The following CAMK1D variants were observed in gnomAD, a reference collection of about 807,000 sequenced individuals.
CAMK1D encodes the protein calcium/calmodulin-dependent protein kinase type 1D.
A neutral mutation model predicts 47.7 loss-of-function variants in CAMK1D; 9 were observed. That is an observed-to-expected ratio of 0.19 (90% CI 0.11 to 0.33). CAMK1D has a LOEUF of 0.33. Ranked by LOEUF, CAMK1D falls within the 10% of genes least tolerant of loss-of-function variation. CAMK1D has a pLI of 1.00. For missense variants in CAMK1D, 291 were observed against 488.7 expected, an observed-to-expected ratio of 0.60 and a Z score of 3.81; for synonymous variants, 184 against 184.9, an observed-to-expected ratio of 0.99 and a Z score of 0.04.
intron 1 of CAMK1D, among the ~76,000 whole-genome samples, chr10:12,494,124 A>G (rs932643788): frequency 6.6e-6 from 1 of 152,204 alleles, no homozygotes; most frequent in Non-Finnish European, 1.5e-5. Context: ...GAGTCATGAA[A>G]AGCCCAGCAA....
At chr10:12,810,946 G>A (rs1832578321) in intron 6 of CAMK1D, among the ~76,000 whole-genome samples, 1 of 152,260 alleles carries the variant, frequency 6.6e-6, no homozygotes, top group African/African-American at 2.4e-5. Flanking sequence ...CAGCTGAGCT[G>A]TGAGCACCTC....
intron 1 of CAMK1D, among the ~76,000 whole-genome samples, chr10:12,402,983 G>A (rs557651510): frequency 2.6e-5 from 4 of 152,102 alleles, no homozygotes; most frequent in South Asian, 4.2e-4. Context: ...GCAGAAATAC[G>A]GCTCCAGGAT....
chr10:12,446,348 G>T (rs1042493811), intron 1 of CAMK1D, among the ~76,000 whole-genome samples: 3 of 152,174 alleles, frequency 2.0e-5, no homozygotes, highest in Non-Finnish European at 1.5e-5. Flanking sequence ...ACCATGTAGG[G>T]TAACTTCCTG....
At chr10:12,590,766 A>G (rs1016670117) in intron 2 of CAMK1D, among the ~76,000 whole-genome samples, 4 of 152,246 alleles carry the variant, frequency 2.6e-5, no homozygotes, top group African/African-American at 9.6e-5. Context: ...TTTTAGAACT[A>G]TAAAGGACTT....
intron 3 of CAMK1D, among the ~76,000 whole-genome samples, chr10:12,697,425 G>T (rs1233472879): frequency 2.0e-5 from 3 of 152,156 alleles, no homozygotes; most frequent in African/African-American, 7.2e-5. Context: ...TGGTGATGGA[G>T]TCTCGCTCCG....
At chr10:12,717,563 G>C (rs1312886005) in intron 3 of CAMK1D, among the ~76,000 whole-genome samples, 2 of 151,620 alleles carry the variant, frequency 1.3e-5, no homozygotes, top group Non-Finnish European at 2.9e-5. Flanking sequence ...ACCAGCCCAG[G>C]CAACATAGAC....
At chr10:12,602,966 AGT>A (rs1838349654) in intron 2 of CAMK1D, among the ~76,000 whole-genome samples, 1 of 144,996 alleles carries the variant, frequency 6.9e-6, no homozygotes, top group South Asian at 2.2e-4. Context: ...GCTGGAGTAT[AGT>A]GGTGCGATCT....
At chr10:12,445,350 T>C (rs986216690) in intron 1 of CAMK1D, among the ~76,000 whole-genome samples, 1 of 152,248 alleles carries the variant, frequency 6.6e-6, no homozygotes, top group African/African-American at 2.4e-5. Flanking sequence ...TTAGAGTTCA[T>C]GTGAGAGTTC....
intron 2 of CAMK1D, among the ~76,000 whole-genome samples, chr10:12,633,739 T>C (rs969130068): frequency 1.3e-5 from 2 of 152,212 alleles, no homozygotes; most frequent in East Asian, 3.9e-4. Context: ...ATCTTTTTGG[T>C]GGAGATGGGG....
Position 12,761,038 on chromosome 10 carries a change from C to T in CAMK1D, c.390C>T (p.Asp130=), listed in dbSNP as rs536965936. 2.4e-5 allele frequency: 39 copies of T among 1,614,118 alleles called. No individual in the cohort carries two copies. In the African/African-American group the frequency reaches 3.5e-4, roughly 14 times the overall value. ...GCACTCTGATCCGCCAAGTCTTGGACGCCGTGTACTATCTCCACAGAATGG... is the reference window on the plus strand; with the variant it reads ...GCACTCTGATCCGCCAAGTCTTGGATGCCGTGTACTATCTCCACAGAATGG... ...DASTLIRQVL[D]AVYYLHRMGI... is the part of the protein sequence containing the mutation. Residue 130 remains aspartate, a synonymous_variant, in exon 4 of 11, where the codon GAC becomes GAT. Coordinates refer to ENST00000619168, the MANE Select transcript of CAMK1D (RefSeq NM_153498.4).
chr10:12,491,766 C>T (rs1385312096), intron 1 of CAMK1D, among the ~76,000 whole-genome samples: 2 of 152,096 alleles, frequency 1.3e-5, no homozygotes, highest in African/African-American at 2.4e-5. Context: ...GATTCTCAGT[C>T]TCCTTCTGTT....
At chr10:12,626,349 T>C (rs1184151377) in intron 2 of CAMK1D, among the ~76,000 whole-genome samples, 1 of 152,178 alleles carries the variant, frequency 6.6e-6, no homozygotes, top group African/African-American at 2.4e-5. Context: ...ATAGTGTCGC[T>C]AGACTTACAA....
chr10:12,535,666 T>A (rs1289158486), intron 1 of CAMK1D, among the ~76,000 whole-genome samples: 3 of 152,214 alleles, frequency 2.0e-5, no homozygotes. Flanking sequence ...TCCTGAAAGA[T>A]TACTCAAATG....
chr10:12,362,516 G>T (rs1291011396), intron 1 of CAMK1D, among the ~76,000 whole-genome samples: 1 of 152,002 alleles, frequency 6.6e-6, no homozygotes, highest in Admixed American at 6.6e-5. Context: ...TTGTTTGTTT[G>T]AGATGGAGTC....
At chr10:12,423,631 C>T (rs1840130997) in intron 1 of CAMK1D, among the ~76,000 whole-genome samples, 2 of 152,210 alleles carry the variant, frequency 1.3e-5, no homozygotes, top group African/African-American at 4.8e-5. Flanking sequence ...TACAGGGAAC[C>T]TCTGTTGGTC....
chr10:12,527,600 T>C (rs1443261048), intron 1 of CAMK1D, among the ~76,000 whole-genome samples: 1 of 152,158 alleles, frequency 6.6e-6, no homozygotes, highest in Non-Finnish European at 1.5e-5. Flanking sequence ...GGTCTCCAAC[T>C]CCTGACCTCA....
intron 2 of CAMK1D, among the ~76,000 whole-genome samples, chr10:12,570,142 A>G (rs1470006141): frequency 2.0e-5 from 3 of 150,192 alleles, no homozygotes; most frequent in Non-Finnish European, 3.0e-5. Flanking sequence ...GGAGGTTGCA[A>G]TGACCTGAGA....
At chr10:12,625,896 T>C (rs1222730548) in intron 2 of CAMK1D, among the ~76,000 whole-genome samples, 1 of 152,184 alleles carries the variant, frequency 6.6e-6, no homozygotes, top group Non-Finnish European at 1.5e-5. Context: ...TTGTATAATA[T>C]TAGACCTGTA....
intron 3 of CAMK1D, among the ~76,000 whole-genome samples, chr10:12,735,888 A>G (rs1449870121): frequency 1.3e-5 from 2 of 151,974 alleles, no homozygotes; most frequent in Non-Finnish European, 2.9e-5. Context: ...CCACACTCAG[A>G]TTGCAAAGGA....
Sources: allele counts gnomAD v4.1 joint callset (sites outside exome capture counted in the v4.1 genomes callset), GRCh38; gene constraint gnomAD v4.1.1; transcripts MANE v1.5; gene names NCBI Gene and HGNC (gene_info 2026-07-23, HGNC 2026-07-21).